HEATR5B: variants seen among roughly 807,000 people sequenced by gnomAD.
The protein encoded by HEATR5B is HEAT repeat containing 5B, also known as HEAT repeat-containing protein 5B.
HEATR5B carries 156 observed loss-of-function variants against 224.1 expected under a neutral mutation model. The observed-to-expected ratio is 0.70, with a 90% confidence interval of 0.61 to 0.80. HEATR5B has a LOEUF of 0.80. Among genes scored for constraint, HEATR5B ranks in the 30% least tolerant of loss-of-function variants. The pLI is 0.00. For missense variants in HEATR5B, 2,323 were observed against 2,535.5 expected (o/e 0.92, Z 1.80); for synonymous variants, 1,027 against 893.0 (o/e 1.15, Z -2.68).
intron 9 of HEATR5B, 32 bp from the exon 10 acceptor site, chr2:37,065,022 T>C (rs1671506237): frequency 6.3e-7 from 1 of 1,599,484 alleles, no homozygotes; most frequent in Non-Finnish European, 8.6e-7. Flanking sequence ...TATTACTCTT[T>C]AATGAAGTCA....
At chr2:37,077,091 A>C in intron 3 of HEATR5B, 72 bp from the exon 4 acceptor site, 1 of 1,296,576 alleles carries the variant, frequency 7.7e-7, no homozygotes, top group Non-Finnish European at 1.1e-6. Flanking sequence ...CATTTTTAGA[A>C]ATCAATTTGC....
In HEATR5B at chr2:37,027,958, G is replaced by C. The variant is rs1668884711; in HGVS notation, c.3818C>G (p.Ala1273Gly). ...ENADQAHFDL[A>G]LARSAKLRNP... ...TCGAAGTTTAGCAGAACGTGCCAAG[G>C]CAAGATCAAAGTGAGCCTGGTCTGC... The change falls in exon 24 of 36, where the codon GCC becomes GGC. Residue 1273 changes from alanine (A) to glycine (G), a missense_variant. By Grantham distance (60) the Ala-to-Gly change is moderately conservative (BLOSUM62 0). Transcript: ENST00000233099. The C allele has an allele frequency of 1.9e-6, 3 of 1,614,122 alleles. No individual in the cohort carries two copies. In the East Asian group the frequency reaches 6.7e-5, roughly 36 times the overall value.
chr2:37,040,670 A>C, intron 19 of HEATR5B, 152 bp from the exon 20 acceptor site: 1 of 588,364 alleles, frequency 1.7e-6, no homozygotes, highest in Non-Finnish European at 3.0e-6. Flanking sequence ...TTTCATACAC[A>C]TTCTTCATCT....
intron 21 of HEATR5B, among the ~76,000 whole-genome samples, chr2:37,033,306 T>C (rs1002463219): frequency 2.6e-5 from 4 of 152,290 alleles, no homozygotes; most frequent in African/African-American, 9.6e-5. Context: ...ACAAAAAATA[T>C]GTTAGTAGCC....
In HEATR5B at chr2:37,082,105, T is replaced by A. The variant is rs1171301573; in HGVS notation, c.126+1184A>T. Among the ~76,000 whole-genome samples the A allele has an allele frequency of 2.3e-5, 3 of 130,702 alleles. No individual in the cohort carries two copies. In the Admixed American group the frequency reaches 2.7e-4, roughly 12 times the overall value. 85.7% of individuals were successfully genotyped at this position (130,702 alleles called of 152,430 possible). ...TTTTTTTCAGATGGAGTTTCACTCT[T>A]GTCCCCCGGGCTGGAGTGCATTAGT... On this transcript the variant is annotated intron_variant, in intron 2 of 35. Coordinates refer to ENST00000233099, the MANE Select transcript of HEATR5B (RefSeq NM_019024.3).
At chr2:37,068,194 G>T (rs1302217352) in intron 8 of HEATR5B, among the ~76,000 whole-genome samples, 1 of 152,034 alleles carries the variant, frequency 6.6e-6, no homozygotes, top group Non-Finnish European at 1.5e-5. Flanking sequence ...TATAAAACTG[G>T]TATTTTAGAA....
Position 37,028,165 on chromosome 2 carries a change from G to T in HEATR5B, c.3611C>A (p.Thr1204Asn). 1 of 1,601,838 alleles carries T rather than the reference G, an allele frequency of 6.2e-7. No individual in the cohort carries two copies. Among genetic ancestry groups the T allele is most frequent in the Non-Finnish European group, 8.6e-7 (1 of 1,169,254 alleles). Reference protein sequence around the residue: ...DVLAASSDMSTATLLSSGKDE... With the variant: ...DVLAASSDMSNATLLSSGKDE... ...TTTTCCACTACTTAAGAGAGTTGCA[G>T]TACTCATATCTATAACAAGAATAAG... is the stretch of plus-strand genomic sequence containing the variant. Residue 1204 changes from threonine (T) to asparagine (N), a missense_variant, in exon 24 of 36, where the codon ACT (threonine) becomes AAT (asparagine). Thr to Asn is a moderately conservative substitution (Grantham distance 65). Around this residue, in one of 12 missense-constraint regions of HEATR5B, gnomAD observed 339 missense variants for 378.4 expected, o/e 0.90. Coordinates refer to ENST00000233099, the MANE Select transcript of HEATR5B (RefSeq NM_019024.3).
At chr2:37,019,972 C>A in intron 25 of HEATR5B, 95 bp from the exon 26 acceptor site, 1 of 792,086 alleles carries the variant, frequency 1.3e-6, no homozygotes, top group Non-Finnish European at 2.0e-6. Flanking sequence ...GGTGCGATCT[C>A]GGCTCATTGC....
intron 2 of HEATR5B, among the ~76,000 whole-genome samples, chr2:37,082,086 T>TTTTTTTTTTTTTTTGTTTTTTTC (rs371663046): frequency 1.8e-5 from 1 of 55,978 alleles, no homozygotes; most frequent in Non-Finnish European, 3.4e-5. Flanking sequence ...TTTTTTTTTT[T>TTTTTTTTTTTTTTTGTTTTTTTC]CAGATGGAGT....
intron 2 of HEATR5B, among the ~76,000 whole-genome samples, chr2:37,082,489 T>A (rs1672644254): frequency 6.6e-6 from 1 of 152,190 alleles, no homozygotes; most frequent in Non-Finnish European, 1.5e-5. Flanking sequence ...TCTGCAGCAC[T>A]GTGACATGTT....
rs527806398 is a variant in HEATR5B at position 37,027,571 on chromosome 2, T to C, written c.3853+352A>G. Among the ~76,000 whole-genome samples the C allele has an allele frequency of 5.3e-5, 8 of 152,352 alleles. No individual in the cohort carries two copies. In the East Asian group the frequency reaches 1.5e-3, roughly 29 times the overall value. On this transcript the variant is annotated intron_variant, in intron 24 of 35. Transcript: ENST00000233099. ...GGGACGGCAAAGCTCACTTTATTTA[T>C]ATGCCTTAAAATTTTACCATTTCCT...
At chr2:37,052,213 T>TAA (rs1383895146) in intron 17 of HEATR5B, among the ~76,000 whole-genome samples, 1 of 152,204 alleles carries the variant, frequency 6.6e-6, no homozygotes, top group East Asian at 1.9e-4. Context: ...CACTTTATGA[T>TAA]AGAGTGCCTA....
At chr2:37,048,850 A>G (rs1670360930) in intron 18 of HEATR5B, among the ~76,000 whole-genome samples, 1 of 152,228 alleles carries the variant, frequency 6.6e-6, no homozygotes. Context: ...AAAGCTATTT[A>G]CAGATAGGCA....
At chr2:37,065,696 A>G in intron 9 of HEATR5B, 59 bp downstream of exon 9, 2 of 1,405,060 alleles carry the variant, frequency 1.4e-6, no homozygotes, top group South Asian at 2.5e-5. Context: ...TTAAATATCA[A>G]TCACACTTAT....
At chr2:37,062,075 T>G in intron 10 of HEATR5B, 25 bp from the exon 11 acceptor site, 1 of 1,321,104 alleles carries the variant, frequency 7.6e-7, no homozygotes, top group South Asian at 1.2e-5. Flanking sequence ...TAGAATTGGA[T>G]TTTAATTCAA....
At chr2:36,997,328 G>T (rs1003115619) in intron 33 of HEATR5B, among the ~76,000 whole-genome samples, 1 of 152,028 alleles carries the variant, frequency 6.6e-6, no homozygotes, top group South Asian at 2.1e-4. Flanking sequence ...GGGACCACAT[G>T]TGTGTGCCAC....
chr2:36,984,738 C>T (rs2541007), intron 35 of HEATR5B, among the ~76,000 whole-genome samples: 91,248 of 151,918 alleles, frequency 0.6, 28,063 homozygotes, highest in African/African-American at 0.73. Context: ...CAAGCAAAGA[C>T]GTTCAGACTT....
chr2:37,013,711 T>G lies in HEATR5B; in HGVS notation c.4284+130A>C, dbSNP rs955491678. 6.5e-6 allele frequency: 4 copies of G among 619,148 alleles called. No homozygotes were observed. In the Admixed American group the frequency reaches 1.3e-4, roughly 21 times the overall value. 38.4% of individuals were successfully genotyped at this position (619,148 alleles called of 1,614,324 possible). On this transcript the variant is annotated intron_variant, in intron 27 of 35. Coordinates refer to ENST00000233099, the MANE Select transcript of HEATR5B (RefSeq NM_019024.3). ...TTTTCAGTACACTGATTAACAAATT[T>G]TCAAAAAGTATTCCATATCAAGGGT...
chr2:37,003,430 T>A, intron 31 of HEATR5B, 112 bp downstream of exon 31: 2 of 752,212 alleles, frequency 2.7e-6, no homozygotes, highest in Non-Finnish European at 4.1e-6. Context: ...AATGAGACCC[T>A]GCCTCTAAAA....
Sources: allele counts gnomAD v4.1 joint callset (sites outside exome capture counted in the v4.1 genomes callset), GRCh38; gene constraint gnomAD v4.1.1; regional missense constraint gnomAD v4.1.1; transcripts MANE v1.5; gene names NCBI Gene and HGNC (gene_info 2026-07-23, HGNC 2026-07-21).